The following CNTN5 variants were observed in gnomAD, a reference collection of about 807,000 sequenced individuals.
The protein encoded by CNTN5 is contactin-5.
In CNTN5, 77 loss-of-function variants were observed where a neutral mutation model predicts 129.1. The observed-to-expected ratio is 0.60, with a 90% CI of 0.50 to 0.72. The LOEUF (loss-of-function observed/expected upper bound fraction) is 0.72. CNTN5 is among the 30% of genes least tolerant of loss of function. CNTN5 has a pLI of 0.00. For missense variants in CNTN5, 1,478 were observed against 1,328.8 expected, an observed-to-expected ratio of 1.11 and a Z score of -1.75; for synonymous variants, 509 against 465.6, an observed-to-expected ratio of 1.09 and a Z score of -1.20.
intron 13 of CNTN5, among the ~76,000 whole-genome samples, chr11:100,188,007 G>A (rs1445133521): frequency 1.3e-5 from 2 of 152,138 alleles, no homozygotes; most frequent in Admixed American, 6.5e-5. Flanking sequence ...ATACCCTGCA[G>A]AATGGGAGAA....
At chr11:100,011,311 TA>T (rs1246647816) in intron 9 of CNTN5, among the ~76,000 whole-genome samples, 1 of 152,106 alleles carries the variant, frequency 6.6e-6, no homozygotes, top group Non-Finnish European at 1.5e-5. Context: ...CACTGATGCT[TA>T]AATGACCCAA....
chr11:99,133,775 G>A (rs546644802), intron 1 of CNTN5, among the ~76,000 whole-genome samples: 11 of 152,288 alleles, frequency 7.2e-5, no homozygotes, highest in South Asian at 2.1e-4. Flanking sequence ...TGGTGAGGTC[G>A]TGGAGAAATA....
chr11:100,192,014 A>G (rs1300867579), intron 14 of CNTN5, among the ~76,000 whole-genome samples: 1 of 152,024 alleles, frequency 6.6e-6, no homozygotes, highest in East Asian at 1.9e-4. Flanking sequence ...TTCTGTCTTT[A>G]AAATAAAAAT....
At chr11:100,066,707 G>T (rs1943709019) in intron 10 of CNTN5, among the ~76,000 whole-genome samples, 1 of 151,792 alleles carries the variant, frequency 6.6e-6, no homozygotes, top group South Asian at 2.1e-4. Flanking sequence ...GGCCCAACCT[G>T]TGATTTTTCT....
At chr11:99,819,492 A>C in intron 3 of CNTN5, 52 bp from the exon 4 acceptor site, 1 of 1,487,898 alleles carries the variant, frequency 6.7e-7, no homozygotes, top group Non-Finnish European at 9.3e-7. Context: ...ATAAGAAAAA[A>C]ATAAACTAGT....
intron 1 of CNTN5, among the ~76,000 whole-genome samples, chr11:99,042,863 A>G (rs999385413): frequency 4.0e-5 from 6 of 150,106 alleles, no homozygotes; most frequent in East Asian, 1.9e-4. Flanking sequence ...TCACGTTTTC[A>G]TTGATCTCTG....
chr11:99,799,220 C>G (rs1946040436), intron 3 of CNTN5, among the ~76,000 whole-genome samples: 1 of 151,646 alleles, frequency 6.6e-6, no homozygotes, highest in Admixed American at 6.6e-5. Context: ...TCACCTTTTT[C>G]TATTTCAGTG....
chr11:99,277,134 T>C (rs891297736), intron 1 of CNTN5, among the ~76,000 whole-genome samples: 1 of 151,642 alleles, frequency 6.6e-6, no homozygotes, highest in African/African-American at 2.4e-5. Flanking sequence ...TGCTTTGTGT[T>C]GTGCTAGGTG....
At chr11:99,955,689 G>T (rs11222032) in intron 7 of CNTN5, among the ~76,000 whole-genome samples, 10,676 of 151,518 alleles carry the variant, frequency 0.07, 763 homozygotes, top group East Asian at 0.31. Context: ...CTCCCAAGTA[G>T]CTAGGACTAC....
intron 24 of CNTN5, among the ~76,000 whole-genome samples, chr11:100,351,404 A>G (rs183802364): frequency 1.3e-5 from 2 of 151,464 alleles, no homozygotes; most frequent in African/African-American, 2.4e-5. Context: ...AGTGCTTTAC[A>G]TACATCATCT....
At chr11:100,051,241 G>T (rs1231381542) in intron 9 of CNTN5, among the ~76,000 whole-genome samples, 1 of 152,092 alleles carries the variant, frequency 6.6e-6, no homozygotes, top group South Asian at 2.1e-4. Flanking sequence ...TAAATTATGT[G>T]TTGGGCCGTA....
At chr11:99,851,858 C>T (rs1648930325) in intron 6 of CNTN5, among the ~76,000 whole-genome samples, 1 of 152,172 alleles carries the variant, frequency 6.6e-6, no homozygotes, top group Admixed American at 6.5e-5. Flanking sequence ...AATTACTTCT[C>T]TGGCTTTTTT....
chr11:99,228,070 T>C lies in CNTN5; in HGVS notation c.-209-97276T>C, dbSNP rs529380815. ...CCAGTTGTTGGATATTTTCACTTTT[T>C]TTTTGAAACTGTAAAGAGAATTACG... On this transcript the variant is annotated intron_variant, in intron 1 of 24. Transcript: ENST00000524871. Among the ~76,000 whole-genome samples, 23 of 152,298 alleles carry C rather than the reference T, an allele frequency of 1.5e-4. No homozygotes were observed. In the East Asian group the frequency reaches 1.5e-3, roughly 10 times the overall value.
At chr11:99,823,134 A>G (rs1387975811) in intron 4 of CNTN5, among the ~76,000 whole-genome samples, 1 of 152,230 alleles carries the variant, frequency 6.6e-6, no homozygotes, top group Non-Finnish European at 1.5e-5. Context: ...CTTTTGAAAG[A>G]CACAGAGCAA....
At chr11:99,625,823 C>T (rs1690818) in intron 3 of CNTN5, among the ~76,000 whole-genome samples, 92,334 of 150,992 alleles carry the variant, frequency 0.61, 29,059 homozygotes, top group Admixed American at 0.74. Context: ...AGATATTTCA[C>T]GATGACGTAA....
chr11:99,548,815 A>C (rs1176887109), intron 2 of CNTN5, among the ~76,000 whole-genome samples: 2 of 151,964 alleles, frequency 1.3e-5, no homozygotes, highest in African/African-American at 4.8e-5. Context: ...TTTCAATATG[A>C]TGTGCACAGG....
At chr11:99,617,445 T>A (rs1255661091) in intron 3 of CNTN5, among the ~76,000 whole-genome samples, 1 of 152,200 alleles carries the variant, frequency 6.6e-6, no homozygotes, top group Non-Finnish European at 1.5e-5. Context: ...ATTTATCCAT[T>A]ATCTTCCCGA....
At chr11:100,126,590 A>G (rs547631953) in intron 13 of CNTN5, among the ~76,000 whole-genome samples, 37 of 152,172 alleles carry the variant, frequency 2.4e-4, no homozygotes, top group South Asian at 2.1e-3. Flanking sequence ...TATCTGATAT[A>G]AGAATAGTAA....
chr11:99,967,198 G>A (rs192499379), intron 8 of CNTN5, among the ~76,000 whole-genome samples: 1 of 152,132 alleles, frequency 6.6e-6, no homozygotes, highest in Admixed American at 6.6e-5. Flanking sequence ...AAGGCTATAC[G>A]AAGGAACAGA....
Sources: gnomAD v4.1 joint callset for allele counts (sites outside exome capture counted in the v4.1 genomes callset) on GRCh38, gnomAD v4.1.1 for gene constraint, MANE v1.5 for transcripts, NCBI Gene and HGNC (gene_info 2026-07-23, HGNC 2026-07-21) for gene names.